Variants in SLA observed in about 807,000 individuals in gnomAD.
The protein encoded by SLA is Src like adaptor.
In SLA, 16 loss-of-function variants were observed where a neutral mutation model predicts 30.3. That is an observed-to-expected ratio of 0.53 (90% CI 0.36 to 0.80). The LOEUF (loss-of-function observed/expected upper bound fraction) is 0.80, where lower values mean the gene tolerates loss of function less well. SLA is among the 30% of genes least tolerant of loss of function. SLA has a pLI of 0.01. For synonymous variants in SLA, 143 were observed against 137.8 expected (o/e 1.04, Z -0.26); for missense variants, 310 against 345.2 (o/e 0.90, Z 0.81).
intron 2 of SLA, among the ~76,000 whole-genome samples, chr8:133,062,418 G>C (rs1027004823): frequency 1.3e-5 from 2 of 152,248 alleles, no homozygotes; most frequent in Admixed American, 6.5e-5. Context: ...CACAGCAGGT[G>C]GCGTGACTCC....
At chr8:133,047,732 C>G in intron 6 of SLA, 98 bp downstream of exon 6, 2 of 776,154 alleles carry the variant, frequency 2.6e-6, no homozygotes, top group Non-Finnish European at 4.7e-6. Context: ...TTTGCATGGA[C>G]GTAGGAGGAA....
chr8:133,075,229 C>T (rs774277389), intron 1 of SLA, 99 bp from the exon 2 acceptor site: 4 of 670,952 alleles, frequency 6.0e-6, no homozygotes, highest in Non-Finnish European at 7.4e-6. Context: ...GGTCTTCTTT[C>T]TCTAATTAAA....
At chr8:133,077,952 A>G (rs901815099) in intron 1 of SLA, among the ~76,000 whole-genome samples, 25 of 152,200 alleles carry the variant, frequency 1.6e-4, no homozygotes, top group African/African-American at 6.0e-4. Context: ...CCCAGTTGAG[A>G]ACCACTGGAT....
In SLA at chr8:133,055,824, C is replaced by CCAGCAGCAG. The variant is rs36210010; in HGVS notation, c.61+4267_61+4275dup. ...ATTCCCTTCCTCCCCCTCCTCATCA[C>CCAGCAGCAG]CAGCAGCAGCAGCAGCAGCAGCAGC... On this transcript the variant is annotated intron_variant, in intron 3 of 8. Transcript: ENST00000338087. Among the ~76,000 whole-genome samples the CCAGCAGCAG allele has an allele frequency of 7.0e-4, 105 of 150,882 alleles. No individual in the cohort carries two copies. In the South Asian group the frequency reaches 0.016, roughly 24 times the overall value.
chr8:133,086,480 C>T (rs1846581803), intron 1 of SLA, among the ~76,000 whole-genome samples: 1 of 151,926 alleles, frequency 6.6e-6, no homozygotes, highest in Admixed American at 6.6e-5. Context: ...TCATGTGGCA[C>T]CTATTTAATG....
chr8:133,090,453 T>G (rs1028430345), intron 1 of SLA, among the ~76,000 whole-genome samples: 1 of 152,224 alleles, frequency 6.6e-6, no homozygotes, highest in African/African-American at 2.4e-5. Flanking sequence ...TTGGCCCGTG[T>G]GTGGTACCAC....
chr8:133,102,353 A>G (rs1388008590), intron 1 of SLA, 200 bp downstream of exon 1: 2 of 522,692 alleles, frequency 3.8e-6, no homozygotes, highest in African/African-American at 1.9e-5. Flanking sequence ...ACGGAGGGAC[A>G]GGAGTGGAGC....
rs1356993675 is a variant in SLA at position 133,049,416 on chromosome 8, T to C, written c.248+486A>G. The C allele has an allele frequency of 1.7e-5, 5 of 287,276 alleles. No homozygotes were observed. The East Asian group carries it at 4.1e-4, about 23-fold the overall frequency. The allele number at this position is 287,276 out of a possible 1,614,324, so 17.8% of individuals were successfully genotyped here. A position where few individuals can be genotyped will look rare whatever the true frequency, so the allele number is the denominator to read the frequency against. Reference sequence around the variant, plus strand: ...ACACATGTATCATTACATCTTATTCTCCTAACAACCCTACACTTTGATCAT... The same window carrying C: ...ACACATGTATCATTACATCTTATTCCCCTAACAACCCTACACTTTGATCAT... On this transcript the variant is annotated intron_variant, in intron 5 of 8. Coordinates refer to ENST00000338087, the MANE Select transcript of SLA (RefSeq NM_001045556.3).
intron 3 of SLA, among the ~76,000 whole-genome samples, chr8:133,053,935 G>A (rs1367308548): frequency 2.6e-5 from 4 of 152,150 alleles, no homozygotes; most frequent in Non-Finnish European, 5.9e-5. Flanking sequence ...CTGATCCTTT[G>A]CAAGAGATTT....
chr8:133,043,147 G>A (rs905885160), intron 7 of SLA, among the ~76,000 whole-genome samples: 12 of 152,100 alleles, frequency 7.9e-5, no homozygotes, highest in Admixed American at 3.9e-4. Flanking sequence ...TGAGTGGTTC[G>A]ATGACCAGGA....
chr8:133,049,816 T>C, intron 5 of SLA, 86 bp downstream of exon 5: 1 of 939,886 alleles, frequency 1.1e-6, no homozygotes, highest in South Asian at 1.3e-5. Flanking sequence ...TCCTTACCAC[T>C]ATGAATGCTG....
At chr8:133,080,746 T>G (rs1469703210) in intron 1 of SLA, among the ~76,000 whole-genome samples, 3 of 152,188 alleles carry the variant, frequency 2.0e-5, no homozygotes, top group Admixed American at 1.3e-4. Flanking sequence ...CACTGTGCAC[T>G]GTAGACAAGC....
In SLA at chr8:133,095,033, T is replaced by G. The variant is rs745939559; in HGVS notation, c.-319+7520A>C. ...CTGAACCATCTGCCCTGAGCCTGCT[T>G]TCTCTTCCAGGGAGGCTCCGCACTC... is the stretch of plus-strand genomic sequence containing the variant. On this transcript the variant is annotated intron_variant, in intron 1 of 8. Transcript: ENST00000338087. 3.1e-6 allele frequency: 5 copies of G among 1,613,148 alleles called. No individual in the cohort carries two copies. The Admixed American group carries it at 8.3e-5, about 27-fold the overall frequency.
intron 1 of SLA, chr8:133,087,883 C>T (rs976064750): frequency 7.2e-5 from 11 of 152,162 alleles, no homozygotes; most frequent in African/African-American, 2.7e-4. Flanking sequence ...AAACCTGGGG[C>T]CAGAAAACCT....
rs560121415 is a variant in SLA at position 133,051,815 on chromosome 8, T to C, written c.62-900A>G. Among the ~76,000 whole-genome samples, 9 of 152,330 alleles carry C rather than the reference T, an allele frequency of 5.9e-5. No individual in the cohort carries two copies. The East Asian group carries it at 1.7e-3, about 29-fold the overall frequency. Reference sequence around the variant, plus strand: ...ACAAGATGTCTTCTGTATCAGCAAATACAGTTATTATTTGCTATGACTTTC... The same window carrying C: ...ACAAGATGTCTTCTGTATCAGCAAACACAGTTATTATTTGCTATGACTTTC... On this transcript the variant is annotated intron_variant, in intron 3 of 8. Transcript: ENST00000338087.
intron 1 of SLA, among the ~76,000 whole-genome samples, chr8:133,077,149 C>T (rs2131492780): frequency 6.6e-6 from 1 of 152,132 alleles, no homozygotes; most frequent in East Asian, 1.9e-4. Flanking sequence ...TGGGACAAGC[C>T]AGGGCATGAG....
intron 2 of SLA, among the ~76,000 whole-genome samples, chr8:133,072,705 A>G (rs2131445487): frequency 1.3e-5 from 2 of 152,360 alleles, no homozygotes; most frequent in South Asian, 4.1e-4. Context: ...CTGTCTTTAA[A>G]AAGGCTCATT....
chr8:133,068,932 G>A (rs1326576389), intron 2 of SLA, among the ~76,000 whole-genome samples: 2 of 152,256 alleles, frequency 1.3e-5, no homozygotes, highest in Non-Finnish European at 2.9e-5. Context: ...ATGGGGTTTG[G>A]CCTAGGCCAG....
chr8:133,061,934 A>G (rs1842424787), intron 2 of SLA, among the ~76,000 whole-genome samples: 1 of 152,220 alleles, frequency 6.6e-6, no homozygotes, highest in Non-Finnish European at 1.5e-5. Context: ...CACCAAAATG[A>G]GAGTTGTTTA....
Sources: allele counts gnomAD v4.1 joint callset (sites outside exome capture counted in the v4.1 genomes callset), GRCh38; gene constraint gnomAD v4.1.1; transcripts MANE v1.5; gene names NCBI Gene and HGNC (gene_info 2026-07-23, HGNC 2026-07-21).